EMCN: variants seen among roughly 807,000 people sequenced by gnomAD.
EMCN encodes the protein MUC-14.
EMCN carries 37 observed loss-of-function variants against 38.4 expected under a neutral mutation model. The ratio of observed to expected loss-of-function variants is 0.96; its 90% CI spans 0.74 to 1.27. The LOEUF (loss-of-function observed/expected upper bound fraction) is 1.27. Among genes scored for constraint, EMCN ranks in the 50% most tolerant of loss-of-function variants. The pLI is 0.00. For missense variants in EMCN, 318 were observed against 302.8 expected (o/e 1.05, Z -0.37); for synonymous variants, 95 against 100.8 (o/e 0.94, Z 0.35).
chr4:100,407,274 C>T (rs1397353395), intron 11 of EMCN, among the ~76,000 whole-genome samples: 1 of 152,078 alleles, frequency 6.6e-6, no homozygotes, highest in East Asian at 1.9e-4. Context: ...CTGTTGTTAC[C>T]TGGCGTTACG....
At chr4:100,482,212 T>C (rs1728826752) in intron 1 of EMCN, among the ~76,000 whole-genome samples, 2 of 152,260 alleles carry the variant, frequency 1.3e-5, no homozygotes, top group African/African-American at 4.8e-5. Context: ...TCAGAGCTTT[T>C]TCCAAGTTGG....
chr4:100,398,824 G>T (rs1291985707), intron 11 of EMCN, among the ~76,000 whole-genome samples: 1 of 152,048 alleles, frequency 6.6e-6, no homozygotes, highest in African/African-American at 2.4e-5. Flanking sequence ...TCTTTTTCCA[G>T]TGGAATATTG....
intron 3 of EMCN, among the ~76,000 whole-genome samples, chr4:100,468,892 G>A (rs1728397004): frequency 1.3e-5 from 2 of 151,650 alleles, no homozygotes; most frequent in Admixed American, 1.3e-4. Flanking sequence ...AAAAAAAATT[G>A]TATGGAAACA....
At chr4:100,476,277 C>T (rs910920737) in intron 2 of EMCN, among the ~76,000 whole-genome samples, 2 of 145,836 alleles carry the variant, frequency 1.4e-5, no homozygotes, top group African/African-American at 5.1e-5. Context: ...TTCTTTCCTT[C>T]CCCTTTTTCT....
chr4:100,514,297 T>TAA (rs563765250), intron 1 of EMCN, among the ~76,000 whole-genome samples: 2 of 151,778 alleles, frequency 1.3e-5, no homozygotes, highest in African/African-American at 4.8e-5. Context: ...TTTCTGGTAT[T>TAA]AAAAAAAACT....
chr4:100,442,767 T>C (rs1316988633), intron 5 of EMCN, among the ~76,000 whole-genome samples: 1 of 152,186 alleles, frequency 6.6e-6, no homozygotes, highest in Non-Finnish European at 1.5e-5. Flanking sequence ...ATATAATGAA[T>C]TGTTTTCCTG....
At position 100,466,215 on chromosome 4, in the gene EMCN, T is replaced by C. The variant is rs186622473; in HGVS notation, c.260-676A>G. Reference sequence around the variant, plus strand: ...CTGAAAAAAAATCGATGCCCTTCAGTTTTTTCAGTCTAATGTGGAAACATT... The same window carrying C: ...CTGAAAAAAAATCGATGCCCTTCAGCTTTTTCAGTCTAATGTGGAAACATT... On this transcript the variant is annotated intron_variant, in intron 3 of 11. Coordinates refer to ENST00000296420, the MANE Select transcript of EMCN (RefSeq NM_016242.4). Among the ~76,000 whole-genome samples, 19 of 130,520 alleles carry C rather than the reference T, an allele frequency of 1.5e-4. No homozygotes were observed. The East Asian group carries it at 1.9e-3, about 13-fold the overall frequency. 85.6% of individuals were successfully genotyped at this position (130,520 alleles called of 152,430 possible). A position where few individuals can be genotyped will look rare whatever the true frequency, so the allele number is the denominator to read the frequency against.
chr4:100,422,813 C>CTTTCTTTCTTTTT (rs1560608485), intron 7 of EMCN, among the ~76,000 whole-genome samples: 72 of 130,070 alleles, frequency 5.5e-4, no homozygotes, highest in Non-Finnish European at 1.0e-3. Context: ...TTCTTTCTTT[C>CTTTCTTTCTTTTT]TTTCTTTTCT....
intron 1 of EMCN, among the ~76,000 whole-genome samples, chr4:100,510,557 C>T (rs1729599982): frequency 1.3e-5 from 2 of 152,166 alleles, no homozygotes; most frequent in East Asian, 3.9e-4. Context: ...CTTTATATAA[C>T]ATTTATCTCA....
At chr4:100,463,583 A>T (rs769282736) in intron 4 of EMCN, among the ~76,000 whole-genome samples, 2 of 152,170 alleles carry the variant, frequency 1.3e-5, no homozygotes, top group Non-Finnish European at 2.9e-5. Context: ...TGCAACCATC[A>T]TCATAACATA....
At chr4:100,483,639 CA>C (rs1232138714) in intron 1 of EMCN, among the ~76,000 whole-genome samples, 1 of 151,290 alleles carries the variant, frequency 6.6e-6, no homozygotes, top group African/African-American at 2.4e-5. Context: ...CTGAAAAATG[CA>C]AAAAAAAGTT....
At chr4:100,415,227 T>G (rs1726690392) in intron 10 of EMCN, among the ~76,000 whole-genome samples, 1 of 152,238 alleles carries the variant, frequency 6.6e-6, no homozygotes, top group South Asian at 2.1e-4. Flanking sequence ...TAATTTGTTT[T>G]TAATTGATCT....
At chr4:100,411,995 G>A (rs1726575730) in intron 10 of EMCN, among the ~76,000 whole-genome samples, 1 of 151,992 alleles carries the variant, frequency 6.6e-6, no homozygotes, top group Non-Finnish European at 1.5e-5. Context: ...AAATAAATAA[G>A]CAAACAAAGA....
intron 4 of EMCN, among the ~76,000 whole-genome samples, chr4:100,458,906 CAT>C (rs1459469026): frequency 6.6e-6 from 1 of 152,096 alleles, no homozygotes; most frequent in African/African-American, 2.4e-5. Context: ...GGTAAAACCT[CAT>C]AAACATTTAG....
At position 100,438,976 on chromosome 4, in the gene EMCN, T is replaced by A. The variant is rs143497631; in HGVS notation, c.415+8557A>T. Among the ~76,000 whole-genome samples, 538 of 152,142 alleles carry A rather than the reference T, an allele frequency of 3.5e-3. 6 individuals are homozygous for A. The highest frequency in any genetic ancestry group is 0.012 in the African/African-American group (509 of 41,550). ...ATAATTCTTTTGGTGTGCTGTTGGG[T>A]TTAGTTTGTTATGTTGTTGGGTTTA... On this transcript the variant is annotated intron_variant, in intron 5 of 11. Coordinates refer to ENST00000296420, the MANE Select transcript of EMCN (RefSeq NM_016242.4).
chr4:100,510,984 G>A (rs1236305541), intron 1 of EMCN, among the ~76,000 whole-genome samples: 1 of 152,014 alleles, frequency 6.6e-6, no homozygotes, highest in Non-Finnish European at 1.5e-5. Context: ...ATTGAATCCA[G>A]AATATTAAGA....
chr4:100,470,322 C>G lies in EMCN; in HGVS notation c.259+4716G>C, dbSNP rs150065506. Among the ~76,000 whole-genome samples the G allele has an allele frequency of 2.0e-3, 296 of 149,330 alleles. 10 individuals are homozygous for G. The East Asian group carries it at 0.053, about 27-fold the overall frequency. ...CAGTGATTATTAGAGACATGCAAAT[C>G]AAAACCACAATGAGATACCCTCTCA... On this transcript the variant is annotated intron_variant, in intron 3 of 11. Coordinates refer to ENST00000296420, the MANE Select transcript of EMCN (RefSeq NM_016242.4).
chr4:100,426,488 C>T (rs1727049150), intron 5 of EMCN, among the ~76,000 whole-genome samples: 1 of 152,130 alleles, frequency 6.6e-6, no homozygotes, highest in African/African-American at 2.4e-5. Flanking sequence ...TCTGGTGGCT[C>T]TTCTAGACTT....
intron 1 of EMCN, among the ~76,000 whole-genome samples, chr4:100,503,502 G>T (rs924098911): frequency 6.6e-6 from 1 of 151,960 alleles, no homozygotes; most frequent in Non-Finnish European, 1.5e-5. Context: ...CATTACACAT[G>T]GGTGTTCTTT....
Sources: allele counts gnomAD v4.1 joint callset (sites outside exome capture counted in the v4.1 genomes callset), GRCh38; gene constraint gnomAD v4.1.1; transcripts MANE v1.5; gene names NCBI Gene and HGNC (gene_info 2026-07-23, HGNC 2026-07-21).